Variants in AHI1 observed in about 807,000 individuals in gnomAD.
AHI1 encodes Abelson helper integration site 1, also known as jouberin.
AHI1 carries 123 observed loss-of-function variants against 149.3 expected under a neutral mutation model. The ratio of observed to expected loss-of-function variants is 0.82; its 90% confidence interval spans 0.71 to 0.96. AHI1 has a LOEUF of 0.96. Ranked by LOEUF, AHI1 falls within the 40% of genes least tolerant of loss-of-function variation. The pLI is 0.00. For synonymous variants in AHI1, 475 were observed against 459.8 expected, an observed-to-expected ratio of 1.03 and a Z score of -0.42; for missense variants, 1,439 against 1,422.7, an observed-to-expected ratio of 1.01 and a Z score of -0.18.
chr6:135,358,504 A>G (rs987608160), intron 23 of AHI1, among the ~76,000 whole-genome samples: 1 of 152,178 alleles, frequency 6.6e-6, no homozygotes, highest in Non-Finnish European at 1.5e-5. Context: ...CTTTTCTTCC[A>G]TGAAAGTTTT....
At chr6:135,486,348 C>T (rs1222413276) in intron 5 of AHI1, among the ~76,000 whole-genome samples, 1 of 152,170 alleles carries the variant, frequency 6.6e-6, no homozygotes, top group Non-Finnish European at 1.5e-5. Context: ...TTGTTGCTCA[C>T]ATGTATGGTT....
intron 22 of AHI1, among the ~76,000 whole-genome samples, chr6:135,403,746 G>A (rs942490551): frequency 2.0e-5 from 3 of 152,064 alleles, no homozygotes; most frequent in African/African-American, 4.8e-5. Flanking sequence ...TATCAGGAAC[G>A]TTTCCTGAAC....
At chr6:135,372,507 G>A (rs1215164415) in intron 23 of AHI1, among the ~76,000 whole-genome samples, 1 of 131,288 alleles carries the variant, frequency 7.6e-6, no homozygotes. Context: ...TGTCTCTACC[G>A]GAAAAAAAAA....
At chr6:135,363,620 G>C (rs1365741789) in intron 23 of AHI1, among the ~76,000 whole-genome samples, 58 of 141,774 alleles carry the variant, frequency 4.1e-4, no homozygotes, top group African/African-American at 1.0e-3. Flanking sequence ...TCCCAGTAGG[G>C]GCGGCCGGGC....
At position 135,492,231 on chromosome 6, in the gene AHI1, T is replaced by C. The variant is rs1380181596; in HGVS notation, c.7A>G (p.Thr3Ala). 1.4e-5 allele frequency: 22 copies of C among 1,534,896 alleles called. No individual in the cohort carries two copies. The highest frequency in any genetic ancestry group is 4.1e-5 in the African/African-American group (3 of 72,876). Residue 3 changes from threonine to alanine, a missense_variant, in exon 4 of 29, where the codon ACA becomes GCA. Physicochemically the swap from Thr to Ala is moderately conservative, Grantham distance 58 (BLOSUM62 0). Transcript: ENST00000265602. MP[T>A]AESEAKVKTK... ...ATAAATTTCATAGAAGTCTTACCTG[T>C]AGGCATCTCTCAGCTTTATGCAGAG...
chr6:135,436,013 G>A (rs1465720324), intron 15 of AHI1, among the ~76,000 whole-genome samples: 1 of 152,162 alleles, frequency 6.6e-6, no homozygotes, highest in African/African-American at 2.4e-5. Flanking sequence ...CAAAATTTAA[G>A]GAGGTGGGTA....
At chr6:135,372,856 C>T (rs1218844457) in intron 23 of AHI1, among the ~76,000 whole-genome samples, 1 of 152,168 alleles carries the variant, frequency 6.6e-6, no homozygotes, top group African/African-American at 2.4e-5. Flanking sequence ...CCCTTCAGAC[C>T]CATTTATGTG....
intron 25 of AHI1, among the ~76,000 whole-genome samples, chr6:135,322,057 C>T (rs1017287515): frequency 2.0e-5 from 3 of 152,236 alleles, no homozygotes; most frequent in Admixed American, 6.5e-5. Context: ...CCTGCCTCGG[C>T]CTCCCAAAGT....
intron 24 of AHI1, among the ~76,000 whole-genome samples, chr6:135,343,445 C>T (rs972238189): frequency 4.6e-5 from 7 of 151,498 alleles, no homozygotes; most frequent in Admixed American, 2.0e-4. Context: ...AAAACAATCT[C>T]GAAAAAGAAC....
rs573164530 is a variant in AHI1, at chr6:135,443,358, C to T, written c.1780-644G>A. ...GAAAATACCAGTTACGTTTATTTAT[C>T]CTAATTCTATCTCTTGCAACCTTCA... On this transcript the variant is annotated intron_variant, in intron 13 of 28. Coordinates refer to ENST00000265602, the MANE Select transcript of AHI1 (RefSeq NM_001134831.2). 7.4e-4 allele frequency among the ~76,000 whole-genome samples: 113 copies of T among 152,242 alleles called. 1 individual carries two copies. In the Middle Eastern group the frequency reaches 0.01, roughly 14 times the overall value.
chr6:135,460,143 A>G (rs998762832), intron 8 of AHI1, among the ~76,000 whole-genome samples: 2 of 152,196 alleles, frequency 1.3e-5, no homozygotes, highest in African/African-American at 4.8e-5. Context: ...AGATCACGCC[A>G]CTGCACTCCA....
chr6:135,433,445 G>A (rs1784941804), intron 15 of AHI1, among the ~76,000 whole-genome samples, 189 bp from the exon 16 acceptor site: 1 of 152,062 alleles, frequency 6.6e-6, no homozygotes, highest in Admixed American at 6.6e-5. Context: ...TTTCACATGT[G>A]ACAAAGTTAT....
chr6:135,385,067 C>T (rs764495528), intron 23 of AHI1, among the ~76,000 whole-genome samples: 26 of 151,818 alleles, frequency 1.7e-4, no homozygotes, highest in Non-Finnish European at 2.6e-4. Flanking sequence ...CCTGCCTGGG[C>T]GACAGAGCAA....
In AHI1 at chr6:135,447,013, C is replaced by A. The variant is rs756862771; in HGVS notation, c.1774G>T (p.Gly592Trp). The change falls in exon 13 of 29, where the codon GGG becomes TGG. Residue 592 changes from glycine (G) to tryptophan (W), a missense_variant. By Grantham distance (184) the Gly-to-Trp change is radical (BLOSUM62 -2). Transcript: ENST00000265602. ...KEVIKWKRLP[G>W]QACRIPNKHL... Reference sequence around the variant, plus strand: ...ACTATTATCAAACACTTCACCTGCCCAGGGAGTCGTTTCCACTTTATTACT... The same window carrying A: ...ACTATTATCAAACACTTCACCTGCCAAGGGAGTCGTTTCCACTTTATTACT... 1 of 1,609,516 alleles carries A rather than the reference C, an allele frequency of 6.2e-7. No homozygotes were observed. Among genetic ancestry groups the A allele is most frequent in the South Asian group, 1.1e-5 (1 of 89,844 alleles).
intron 23 of AHI1, among the ~76,000 whole-genome samples, chr6:135,358,506 G>T (rs1369511156): frequency 6.6e-6 from 1 of 152,134 alleles, no homozygotes; most frequent in Non-Finnish European, 1.5e-5. Context: ...TTTCTTCCAT[G>T]AAAGTTTTAT....
At chr6:135,392,421 T>C (rs1017682401) in intron 23 of AHI1, among the ~76,000 whole-genome samples, 10 of 152,186 alleles carry the variant, frequency 6.6e-5, no homozygotes, top group African/African-American at 2.2e-4. Context: ...CACTCTAGCA[T>C]GTAAACCCAC....
In AHI1 at chr6:135,444,164, T is replaced by TC. The variant is rs3840169; in HGVS notation, c.1780-1451dup. On this transcript the variant is annotated intron_variant, in intron 13 of 28. Coordinates refer to ENST00000265602, the MANE Select transcript of AHI1 (RefSeq NM_001134831.2). ...ATCATGCTGGTTCCTACTTTCTGTC[T>TC]CTCGTATTCATTAGACCCTCATCAC... Among the ~76,000 whole-genome samples the TC allele has an allele frequency of 2.6e-5, 4 of 152,304 alleles. No homozygotes were observed. In the East Asian group the frequency reaches 7.7e-4, roughly 29 times the overall value.
intron 24 of AHI1, among the ~76,000 whole-genome samples, chr6:135,324,335 AAAG>A (rs565575571): frequency 9.0e-4 from 137 of 152,110 alleles, no homozygotes; most frequent in African/African-American, 3.0e-3. Flanking sequence ...CTCTAAAAAA[AAAG>A]AAGAAGAAAA....
At chr6:135,384,997 G>A (rs1777372659) in intron 23 of AHI1, among the ~76,000 whole-genome samples, 1 of 152,080 alleles carries the variant, frequency 6.6e-6, no homozygotes, top group Non-Finnish European at 1.5e-5. Flanking sequence ...GCTGAGGCAG[G>A]AGAATCACTT....
Sources: allele counts gnomAD v4.1 joint callset (sites outside exome capture counted in the v4.1 genomes callset), GRCh38; gene constraint gnomAD v4.1.1; transcripts MANE v1.5; gene names NCBI Gene and HGNC (gene_info 2026-07-23, HGNC 2026-07-21).